Variants in ADAMTS2 observed in about 807,000 individuals in gnomAD.
ADAMTS2 encodes ADAM metallopeptidase with thrombospondin type 1 motif 2, also known as A disintegrin and metalloproteinase with thrombospondin motifs 2.
ADAMTS2 carries 50 observed loss-of-function variants against 123.0 expected under a neutral mutation model. The observed-to-expected ratio is 0.41, with a 90% CI of 0.32 to 0.51. The LOEUF (loss-of-function observed/expected upper bound fraction) is 0.51. Ranked by LOEUF, ADAMTS2 falls within the 20% of genes least tolerant of loss-of-function variation. The probability of loss-of-function intolerance (pLI) is 0.35; values close to 1 mark genes in which losing one functional copy is unlikely to be tolerated. For missense variants in ADAMTS2, 1,494 were observed against 1,705.2 expected, an observed-to-expected ratio of 0.88 and a Z score of 2.18; for synonymous variants, 678 against 695.4, an observed-to-expected ratio of 0.98 and a Z score of 0.39.
chr5:179,156,476 C>T (rs1763474444), intron 6 of ADAMTS2, among the ~76,000 whole-genome samples: 1 of 151,456 alleles, frequency 6.6e-6, no homozygotes, highest in African/African-American at 2.4e-5. Flanking sequence ...TCTACTGCCT[C>T]AGCCTCCTGA....
At chr5:179,219,496 C>A (rs1313975565) in intron 3 of ADAMTS2, among the ~76,000 whole-genome samples, 3 of 152,238 alleles carry the variant, frequency 2.0e-5, no homozygotes, top group African/African-American at 7.2e-5. Flanking sequence ...CTCTTCTGCC[C>A]TGTGCCTGCA....
At chr5:179,237,903 G>A (rs890971828) in intron 3 of ADAMTS2, among the ~76,000 whole-genome samples, 8 of 152,204 alleles carry the variant, frequency 5.3e-5, no homozygotes, top group African/African-American at 1.2e-4. Flanking sequence ...GTCCCAGGCA[G>A]CCATCGCTCC....
At chr5:179,187,575 C>T (rs1474722643) in intron 4 of ADAMTS2, among the ~76,000 whole-genome samples, 1 of 152,058 alleles carries the variant, frequency 6.6e-6, no homozygotes, top group African/African-American at 2.4e-5. Flanking sequence ...TGGGGAGGCC[C>T]CCAGCTAAGG....
chr5:179,314,172 C>T lies in ADAMTS2; in HGVS notation c.534+29595G>A, dbSNP rs941165816. ...GGGCGCAGCCTGGGAGCACACAGAC[C>T]GGCCAGGGCCAGGGCCAGGACTGGC... is the stretch of plus-strand genomic sequence containing the variant. On this transcript the variant is annotated intron_variant, in intron 2 of 21. Transcript: ENST00000251582. This position sits in a 1 kb window ranked among gnomAD's most constrained non-coding sequence, Gnocchi z 4.5. Among the ~76,000 whole-genome samples the T allele has an allele frequency of 6.6e-5, 10 of 152,266 alleles. No individual in the cohort carries two copies. The East Asian group carries it at 9.6e-4, about 15-fold the overall frequency.
chr5:179,122,737 G>C lies in ADAMTS2; in HGVS notation c.2995C>G (p.Pro999Ala). 1 of 1,553,682 alleles carries C rather than the reference G, an allele frequency of 6.4e-7. No homozygotes were observed. The highest frequency in any genetic ancestry group is 8.7e-7 in the Non-Finnish European group (1 of 1,148,896). ...VTCGNGTQERPVLCRTADDSF... is the reference protein window; with the variant it reads ...VTCGNGTQERAVLCRTADDSF... ...TCGTCCGCGGTGCGGCAGAGCACTGGCCGCTCCTGGGTGCCGTTGCCACAG... is the reference window on the plus strand; with the variant it reads ...TCGTCCGCGGTGCGGCAGAGCACTGCCCGCTCCTGGGTGCCGTTGCCACAG... The change falls in exon 20 of 22, where the codon CCA becomes GCA. Residue 999 changes from proline (P) to alanine (A), a missense_variant. Pro to Ala is a conservative substitution (Grantham distance 27). Around this residue, in one of 6 missense-constraint regions of ADAMTS2, gnomAD observed 953 missense variants for 1,124.7 expected, o/e 0.85. Transcript: ENST00000251582.
chr5:179,116,260 A>ACCCCCCCCCCCCCCC (rs146306326), intron 21 of ADAMTS2, among the ~76,000 whole-genome samples: 285 of 93,722 alleles, frequency 3.0e-3, no homozygotes, highest in East Asian at 4.5e-3. Context: ...TGACCACGGC[A>ACCCCCCCCCCCCCCC]CCCCCCCCCC....
chr5:179,332,811 T>C lies in ADAMTS2; in HGVS notation c.534+10956A>G, dbSNP rs1379574740. ...AGGAGCCTCCCAGGGCCTGGGCACC[T>C]GCCTGGGAGGGCACTGAGGAGCACC... On this transcript the variant is annotated intron_variant, in intron 2 of 21. Transcript: ENST00000251582. This position sits in a 1 kb window ranked among gnomAD's most constrained non-coding sequence, Gnocchi z 4.2. 2.6e-5 allele frequency among the ~76,000 whole-genome samples: 4 copies of C among 152,058 alleles called. No individual in the cohort carries two copies. Among genetic ancestry groups the C allele is most frequent in the Admixed American group, 6.6e-5 (1 of 15,266 alleles).
intron 4 of ADAMTS2, among the ~76,000 whole-genome samples, chr5:179,198,145 C>A (rs929658802): frequency 6.6e-6 from 1 of 151,942 alleles, no homozygotes; most frequent in South Asian, 2.1e-4. Context: ...CCCTCGGGGG[C>A]GGGGGGCGGG....
At position 179,308,842 on chromosome 5, in the gene ADAMTS2, G is replaced by A. The variant is rs1756748089; in HGVS notation, c.534+34925C>T. Among the ~76,000 whole-genome samples the A allele has an allele frequency of 6.6e-6, 1 of 152,166 alleles. No homozygotes were observed. The highest frequency in any genetic ancestry group is 2.1e-4 in the South Asian group (1 of 4,826). Reference sequence around the variant, plus strand: ...GCCCTGGGATGCAGCTAGGCCAGCTGGGAGCCAGACAGCCACTGAAGCCCT... The same window carrying A: ...GCCCTGGGATGCAGCTAGGCCAGCTAGGAGCCAGACAGCCACTGAAGCCCT... On this transcript the variant is annotated intron_variant, in intron 2 of 21. Transcript: ENST00000251582. The surrounding 1 kb of genome is among the most constrained non-coding windows in gnomAD (Gnocchi z 6.6).
Position 179,202,367 on chromosome 5 carries a change from G to C in ADAMTS2, c.891+5146C>G, listed in dbSNP as rs527567112. The stretch of plus-strand genomic sequence containing the variant: ...TCCGTTGTCGTGAGCCTCTGCTCCC[G>C]TGATATCTCCAGTGCACCAGCCCCT... On this transcript the variant is annotated intron_variant, in intron 4 of 21. Coordinates refer to ENST00000251582, the MANE Select transcript of ADAMTS2 (RefSeq NM_014244.5). This position sits in a 1 kb window ranked among gnomAD's most constrained non-coding sequence, Gnocchi z 4.0. Among the ~76,000 whole-genome samples, 1 of 151,110 alleles carries C rather than the reference G, an allele frequency of 6.6e-6. No homozygotes were observed. The highest frequency in any genetic ancestry group is 1.9e-4 in the East Asian group (1 of 5,134).
chr5:179,209,572 G>GCACACACATGTACACACACAGGCA (rs1446632275), intron 3 of ADAMTS2, among the ~76,000 whole-genome samples: 3 of 151,102 alleles, frequency 2.0e-5, no homozygotes, highest in Non-Finnish European at 4.4e-5. Flanking sequence ...GCACACACAT[G>GCACACACATGTACACACACAGGCA]CACACACATG....
Position 179,181,008 on chromosome 5 carries a change from C to G in ADAMTS2, c.975+64G>C, listed in dbSNP as rs945737640. 8.4e-6 allele frequency: 11 copies of G among 1,316,756 alleles called. No homozygotes were observed. The highest frequency in any genetic ancestry group is 1.2e-5 in the Non-Finnish European group (11 of 911,644). The allele number at this position is 1,316,756 out of a possible 1,614,324, so 81.6% of individuals were successfully genotyped here. On this transcript the variant is annotated intron_variant, in intron 5 of 21. Transcript: ENST00000251582. This position sits in a 1 kb window ranked among gnomAD's most constrained non-coding sequence, Gnocchi z 4.1. ...ACACACTCTCCAAGGAGGCCCATGCCTCACTCCCAGGCCCCTCACTCCGAG... is the reference window on the plus strand; with the variant it reads ...ACACACTCTCCAAGGAGGCCCATGCGTCACTCCCAGGCCCCTCACTCCGAG...
chr5:179,189,210 C>T lies in ADAMTS2; in HGVS notation c.892-8055G>A, dbSNP rs889317408. Reference sequence around the variant, plus strand: ...CACGTGCGTCCATGTGAAGAGATCACCAAACAGGCTTTGTGTGAGCAATAA... The same window carrying T: ...CACGTGCGTCCATGTGAAGAGATCATCAAACAGGCTTTGTGTGAGCAATAA... On this transcript the variant is annotated intron_variant, in intron 4 of 21. Coordinates refer to ENST00000251582, the MANE Select transcript of ADAMTS2 (RefSeq NM_014244.5). The surrounding 1 kb of genome is among the most constrained non-coding windows in gnomAD (Gnocchi z 4.2). Among the ~76,000 whole-genome samples, 15 of 152,206 alleles carry T rather than the reference C, an allele frequency of 9.9e-5. No individual in the cohort carries two copies. The highest frequency in any genetic ancestry group is 3.4e-4 in the African/African-American group (14 of 41,442).
intron 10 of ADAMTS2, among the ~76,000 whole-genome samples, chr5:179,144,035 C>T (rs564203059): frequency 1.2e-3 from 182 of 152,052 alleles, no homozygotes; most frequent in African/African-American, 4.1e-3. Flanking sequence ...TAGAAAATCC[C>T]AAAGAATCCC....
At chr5:179,271,270 A>G (rs17079287) in intron 3 of ADAMTS2, among the ~76,000 whole-genome samples, 7,814 of 152,262 alleles carry the variant, frequency 0.051, 358 homozygotes, top group East Asian at 0.22. Flanking sequence ...GACAAGCACC[A>G]TATGGAATCT....
chr5:179,119,956 G>C (rs141709106), intron 21 of ADAMTS2, among the ~76,000 whole-genome samples: 137 of 152,242 alleles, frequency 9.0e-4, no homozygotes, highest in African/African-American at 3.2e-3. Flanking sequence ...GTGTCTGCAC[G>C]GTTTGCTATC....
At chr5:179,204,427 C>A (rs1297446672) in intron 4 of ADAMTS2, among the ~76,000 whole-genome samples, 1 of 152,254 alleles carries the variant, frequency 6.6e-6, no homozygotes, top group Non-Finnish European at 1.5e-5. Flanking sequence ...AAATTCAGTT[C>A]TTCAAGGACA....
intron 2 of ADAMTS2, among the ~76,000 whole-genome samples, chr5:179,275,649 C>T (rs1329209819): frequency 2.0e-5 from 3 of 152,180 alleles, no homozygotes; most frequent in Non-Finnish European, 4.4e-5. Context: ...AGCGATGTGG[C>T]CTCAAGCCAA....
Position 179,158,615 on chromosome 5 carries a change from G to A in ADAMTS2, c.1132+108C>T. ...AGCTAAGGTGGCCACGGCCTTCCCT[G>A]CCCTGACACTCTTCCCTGGGCTGGG... is the stretch of plus-strand genomic sequence containing the variant. On this transcript the variant is annotated intron_variant, in intron 6 of 21. Transcript: ENST00000251582. The surrounding 1 kb of genome is among the most constrained non-coding windows in gnomAD (Gnocchi z 5.0). 3.3e-6 allele frequency: 5 copies of A among 1,506,096 alleles called. No individual in the cohort carries two copies. The highest frequency in any genetic ancestry group is 4.6e-6 in the Non-Finnish European group (5 of 1,091,554). 93.3% of individuals were successfully genotyped at this position (1,506,096 alleles called of 1,614,324 possible).
Sources: allele counts gnomAD v4.1 joint callset (sites outside exome capture counted in the v4.1 genomes callset), GRCh38; gene constraint gnomAD v4.1.1; regional missense constraint gnomAD v4.1.1; non-coding constraint Gnocchi (gnomAD v3.1); transcripts MANE v1.5; gene names NCBI Gene and HGNC (gene_info 2026-07-23, HGNC 2026-07-21).